Variants in GSTM4 observed in about 807,000 individuals in gnomAD.
GSTM4 encodes the protein glutathione S-transferase mu 4.
In GSTM4, 27 loss-of-function variants were observed where a neutral mutation model predicts 30.1. The ratio of observed to expected loss-of-function variants is 0.90; its 90% CI spans 0.66 to 1.24. The LOEUF (loss-of-function observed/expected upper bound fraction) is 1.24, where lower values mean the gene tolerates loss of function less well. Ranked by LOEUF, GSTM4 falls within the 50% of genes most tolerant of loss-of-function variation. The probability of loss-of-function intolerance (pLI) is 0.00; values close to 1 mark genes in which losing one functional copy is unlikely to be tolerated. For synonymous variants in GSTM4, 94 were observed against 96.2 expected (o/e 0.98, Z 0.13); for missense variants, 238 against 272.1 (o/e 0.87, Z 0.88).
downstream of GSTM4, among the ~76,000 whole-genome samples, chr1:109,664,228 C>G (rs563963873): frequency 3.3e-5 from 5 of 150,598 alleles, no homozygotes; most frequent in Admixed American, 2.7e-4. Flanking sequence ...AATTCCTTCT[C>G]TGGTTTTTGG....
chr1:109,661,973 T>C (rs543977424), downstream of GSTM4, among the ~76,000 whole-genome samples: 13 of 152,234 alleles, frequency 8.5e-5, no homozygotes, highest in Middle Eastern at 3.4e-3. Context: ...AGACTATAGG[T>C]GTGCCACCAC....
intron 2 of GSTM4, 27 bp from the exon 3 acceptor site, chr1:109,657,188 G>A: frequency 6.2e-7 from 1 of 1,611,718 alleles, no homozygotes; most frequent in Non-Finnish European, 8.5e-7. Context: ...GGGGAGGTTT[G>A]TTTTCACTTC....
Position 109,661,272 on chromosome 1 carries a change from G to A in GSTM4, c.*18G>A. On this transcript the variant is annotated 3_prime_UTR_variant, in exon 8 of 8. Coordinates refer to ENST00000369836, the MANE Select transcript of GSTM4 (RefSeq NM_000850.5). ...ACAAGTAATGCCTTGAAGGCCAGGA[G>A]GTGGGAGTGAGGAGCCCATACTCAG... The A allele has an allele frequency of 1.9e-6, 3 of 1,612,662 alleles. No homozygotes were observed. The highest frequency in any genetic ancestry group is 2.2e-5 in the East Asian group (1 of 44,868).
Position 109,656,587 on chromosome 1 carries a change from T to TGTGTGTGC in GSTM4, c.37-122_37-121insTGTGCGTG, listed in dbSNP as rs567031299. 2.0e-4 allele frequency: 120 copies of TGTGTGTGC among 601,756 alleles called. No individual in the cohort carries two copies. In the African/African-American group the frequency reaches 2.7e-3, roughly 14 times the overall value. 37.3% of individuals were successfully genotyped at this position (601,756 alleles called of 1,614,324 possible). ...GTGTGTGTGTGTGTGTGTGTGTGTGTGTGCGTGCGCCGGGGTGGGGGGGGG... is the reference window on the plus strand; with the variant it reads ...GTGTGTGTGTGTGTGTGTGTGTGTGTGTGTGTGCGTGCGTGCGCCGGGGTGGGGGGGGG... On this transcript the variant is annotated intron_variant, in intron 1 of 7. Coordinates refer to ENST00000369836, the MANE Select transcript of GSTM4 (RefSeq NM_000850.5).
chr1:109,657,222 C>A lies in GSTM4; in HGVS notation c.120C>A (p.Asp40Glu). 2 of 1,612,586 alleles carry A rather than the reference C, an allele frequency of 1.2e-6. No homozygotes were observed. Among genetic ancestry groups the A allele is most frequent in the Non-Finnish European group, 1.7e-6 (2 of 1,179,856 alleles). Residue 40 changes from aspartate (D) to glutamate (E), a missense_variant, in exon 3 of 8, where the codon GAC becomes GAA. Physicochemically the swap from Asp to Glu is conservative, Grantham distance 45. Transcript: ENST00000369836. ...EKKYTMGDAP[D>E]YDRSQWLNEK... The stretch of plus-strand genomic sequence containing the variant: ...TCTTCTTCCCCACGGCAGCTCCTGA[C>A]TATGACAGAAGCCAGTGGCTGAATG...
intron 7 of GSTM4, chr1:109,659,411 G>A (rs1399828721): frequency 1.4e-6 from 2 of 1,413,332 alleles, no homozygotes; most frequent in Non-Finnish European, 9.3e-7. Flanking sequence ...GTGAGCATCT[G>A]GATCTATGGG....
In GSTM4 at chr1:109,657,822, G is replaced by A. The variant is rs1423391308; in HGVS notation, c.310G>A (p.Ala104Thr). 6.2e-7 allele frequency: 1 copy of A among 1,614,030 alleles called. No individual in the cohort carries two copies. The highest frequency in any genetic ancestry group is 8.5e-7 in the Non-Finnish European group (1 of 1,180,026). ...TCGTGTGGACATTTTGGAGAACCAG[G>A]CTATGGACGTCTCCAATCAGCTGGC... Reference protein sequence around the residue: ...KIRVDILENQAMDVSNQLARV... With the variant: ...KIRVDILENQTMDVSNQLARV... Residue 104 changes from alanine to threonine, a missense_variant, in exon 5 of 8, where the codon GCT (alanine) becomes ACT (threonine). Physicochemically the swap from Ala to Thr is moderately conservative, Grantham distance 58. Transcript: ENST00000369836.
downstream of GSTM4, among the ~76,000 whole-genome samples, chr1:109,664,560 A>G (rs924741716): frequency 1.3e-5 from 2 of 151,616 alleles, no homozygotes; most frequent in African/African-American, 4.8e-5. Flanking sequence ...GGGTTTCACC[A>G]TATTGGCCAG....
rs900909916 is a variant in GSTM4 at position 109,657,123 on chromosome 1, AG to A, written c.113-89del. The stretch of plus-strand genomic sequence containing the variant: ...GTCAGATTCTAGATCCACCTGTCTC[AG>A]GGATCTTGCCACTGGTTCCTTGGGA... On this transcript the variant is annotated intron_variant, in intron 2 of 7. Transcript: ENST00000369836. The A allele has an allele frequency of 2.7e-5, 35 of 1,312,448 alleles. No individual in the cohort carries two copies. The African/African-American group carries it at 3.9e-4, about 15-fold the overall frequency. 81.3% of individuals were successfully genotyped at this position (1,312,448 alleles called of 1,614,324 possible). A position where few individuals can be genotyped will look rare whatever the true frequency, so the allele number is the denominator to read the frequency against.
downstream of GSTM4, chr1:109,661,795 G>A: frequency 2.6e-6 from 2 of 780,326 alleles, no homozygotes; most frequent in Non-Finnish European, 1.6e-6. Context: ...GGCAGTAGCT[G>A]GGTTCATAGA....
downstream of GSTM4, among the ~76,000 whole-genome samples, chr1:109,667,214 C>T (rs1647359050): frequency 6.7e-6 from 1 of 148,584 alleles, no homozygotes; most frequent in Non-Finnish European, 1.5e-5. Flanking sequence ...TAATAGAAAT[C>T]ATAATATAAC....
intron 7 of GSTM4, chr1:109,659,990 G>A (rs541669930): frequency 4.2e-6 from 1 of 235,632 alleles, no homozygotes; most frequent in South Asian, 4.8e-5. Flanking sequence ...ACCAGGCCTG[G>A]GGCCTGCCCC....
downstream of GSTM4, among the ~76,000 whole-genome samples, chr1:109,666,721 C>G (rs1422126897): frequency 2.0e-5 from 3 of 152,040 alleles, no homozygotes; most frequent in Non-Finnish European, 4.4e-5. Context: ...TGACCCATTC[C>G]TGGGTTTCTT....
downstream of GSTM4, chr1:109,661,767 G>A (rs1159265658): frequency 1.9e-5 from 18 of 972,122 alleles, no homozygotes; most frequent in East Asian, 6.8e-5. Flanking sequence ...CTCTTCTGAG[G>A]GACTGGCTGG....
rs1274063930 is a variant in GSTM4, at chr1:109,661,353, T to G, written c.*99T>G. On this transcript the variant is annotated 3_prime_UTR_variant, in exon 8 of 8. Transcript: ENST00000369836. ...ACTCTGCATCCCAGCACCTGCCTCCTCGTTCCTTTCTCCTGTTTATTCCCA... is the reference window on the plus strand; with the variant it reads ...ACTCTGCATCCCAGCACCTGCCTCCGCGTTCCTTTCTCCTGTTTATTCCCA... The G allele has an allele frequency of 2.0e-5, 32 of 1,587,434 alleles. No individual in the cohort carries two copies. Among genetic ancestry groups the G allele is most frequent in the Middle Eastern group, 3.5e-4 (2 of 5,726 alleles).
intron 2 of GSTM4, chr1:109,657,012 C>G (rs1043622236): frequency 3.8e-6 from 3 of 786,384 alleles, no homozygotes; most frequent in Non-Finnish European, 6.6e-6. Context: ...CAGAGCTTCC[C>G]TAAACCCTGG....
chr1:109,658,149 C>T, intron 5 of GSTM4: 1 of 458,590 alleles, frequency 2.2e-6, no homozygotes. Context: ...CTGCCACGGG[C>T]CATCTAACCC....
chr1:109,661,389 C>T lies in GSTM4; in HGVS notation c.*135C>T. 6.5e-7 allele frequency: 1 copy of T among 1,543,816 alleles called. No individual in the cohort carries two copies. Among genetic ancestry groups the T allele is most frequent in the East Asian group, 2.3e-5 (1 of 42,558 alleles). On this transcript the variant is annotated 3_prime_UTR_variant, in exon 8 of 8. Transcript: ENST00000369836. ...TCCTGTTTATTCCCATCTTTACCCC[C>T]AAGACTTTATTGGGCCTCTTCACTT...
chr1:109,661,975 T>C (rs1336519105), downstream of GSTM4, among the ~76,000 whole-genome samples: 3 of 152,136 alleles, frequency 2.0e-5, no homozygotes. Flanking sequence ...ACTATAGGTG[T>C]GCCACCACAC....
Sources: gnomAD v4.1 joint callset for allele counts (sites outside exome capture counted in the v4.1 genomes callset) on GRCh38, gnomAD v4.1.1 for gene constraint, MANE v1.5 for transcripts, NCBI Gene and HGNC (gene_info 2026-07-23, HGNC 2026-07-21) for gene names.